Variants in NKAIN3 observed in about 807,000 individuals in gnomAD.
The protein encoded by NKAIN3 is sodium/potassium transporting ATPase interacting 3.
A neutral mutation model predicts 30.2 loss-of-function variants in NKAIN3; 25 were observed. The ratio of observed to expected loss-of-function variants is 0.83; its 90% CI spans 0.60 to 1.16. NKAIN3 has a LOEUF of 1.16. Among genes scored for constraint, NKAIN3 ranks in the 50% most tolerant of loss-of-function variants. The pLI, the probability that NKAIN3 is intolerant of heterozygous loss-of-function variation, is 0.00. For missense variants in NKAIN3, 225 were observed against 254.1 expected (o/e 0.89, Z 0.78); for synonymous variants, 91 against 89.6 (o/e 1.02, Z -0.09).
At chr8:62,258,133 A>G (rs887815225) in intron 1 of NKAIN3, among the ~76,000 whole-genome samples, 12 of 152,276 alleles carry the variant, frequency 7.9e-5, no homozygotes, top group Admixed American at 6.5e-4. Context: ...TCCAGATTAT[A>G]TAAGAAAGGA....
chr8:62,858,596 A>G (rs991344031), intron 4 of NKAIN3, among the ~76,000 whole-genome samples: 2 of 152,182 alleles, frequency 1.3e-5, no homozygotes, highest in Non-Finnish European at 2.9e-5. Context: ...ATGAGGGGGA[A>G]TGGTTTGAGG....
chr8:62,567,478 A>G (rs1056114041), intron 1 of NKAIN3, among the ~76,000 whole-genome samples: 2 of 152,188 alleles, frequency 1.3e-5, no homozygotes, highest in African/African-American at 4.8e-5. Context: ...AGGAGAATGC[A>G]TGTCACAGAT....
At chr8:62,587,088 G>A (rs1026399875) in intron 2 of NKAIN3, among the ~76,000 whole-genome samples, 2 of 151,914 alleles carry the variant, frequency 1.3e-5, no homozygotes, top group African/African-American at 4.8e-5. Flanking sequence ...GATAGGGAAG[G>A]TAGGCAGTCT....
chr8:62,720,023 C>T, intron 3 of NKAIN3, among the ~76,000 whole-genome samples: 1 of 152,010 alleles, frequency 6.6e-6, no homozygotes, highest in Non-Finnish European at 1.5e-5. Context: ...TGCCAAAGTG[C>T]TGGAATTACA....
intron 1 of NKAIN3, among the ~76,000 whole-genome samples, chr8:62,427,401 C>A (rs1391510501): frequency 6.6e-6 from 1 of 151,974 alleles, no homozygotes; most frequent in Non-Finnish European, 1.5e-5. Context: ...GGGTCCCCTA[C>A]TGTCTGACTG....
At chr8:62,526,620 T>G (rs934336234) in intron 1 of NKAIN3, among the ~76,000 whole-genome samples, 1 of 152,156 alleles carries the variant, frequency 6.6e-6, no homozygotes, top group Non-Finnish European at 1.5e-5. Context: ...AGAAGAAAGC[T>G]GAAAATCTTA....
intron 4 of NKAIN3, among the ~76,000 whole-genome samples, chr8:62,768,315 C>T (rs1816907629): frequency 6.6e-6 from 1 of 152,124 alleles, no homozygotes; most frequent in Non-Finnish European, 1.5e-5. Context: ...TCTTATGAAA[C>T]AGGACATCAC....
chr8:62,273,440 A>T (rs1812835570), intron 1 of NKAIN3, among the ~76,000 whole-genome samples: 1 of 152,220 alleles, frequency 6.6e-6, no homozygotes, highest in Non-Finnish European at 1.5e-5. Flanking sequence ...CCTATACCAT[A>T]TACTAGTTTT....
intron 3 of NKAIN3, among the ~76,000 whole-genome samples, chr8:62,646,083 T>C (rs948989468): frequency 3.3e-5 from 5 of 151,392 alleles, no homozygotes; most frequent in Non-Finnish European, 7.4e-5. Flanking sequence ...ATAATAACTA[T>C]TATATATCAT....
intron 1 of NKAIN3, among the ~76,000 whole-genome samples, chr8:62,277,590 A>G (rs1412232230): frequency 6.6e-6 from 1 of 152,138 alleles, no homozygotes; most frequent in Non-Finnish European, 1.5e-5. Flanking sequence ...ACTGTCTAAT[A>G]TGTAGTCACC....
At chr8:62,856,748 T>G in intron 4 of NKAIN3, 1 of 681,844 alleles carries the variant, frequency 1.5e-6, no homozygotes. Flanking sequence ...GCTCTAGAAT[T>G]TATTTTGCAC....
intron 4 of NKAIN3, among the ~76,000 whole-genome samples, chr8:62,770,342 T>C (rs1816973269): frequency 6.6e-6 from 1 of 152,206 alleles, no homozygotes; most frequent in South Asian, 2.1e-4. Context: ...GCTTTAGGTG[T>C]GTCTTAGTCA....
intron 1 of NKAIN3, among the ~76,000 whole-genome samples, chr8:62,363,100 G>C (rs1401161494): frequency 1.3e-5 from 2 of 152,176 alleles, no homozygotes; most frequent in Non-Finnish European, 1.5e-5. Context: ...TAAGTTTGCT[G>C]TAACAGTATG....
chr8:62,456,688 C>T (rs917648876), intron 1 of NKAIN3, among the ~76,000 whole-genome samples: 18 of 152,162 alleles, frequency 1.2e-4, no homozygotes, highest in Non-Finnish European at 2.1e-4. Context: ...AGATACAGGA[C>T]CCAGCTGTTG....
rs1254854484 is a variant in NKAIN3, at chr8:62,959,657, G to T, written c.603+5685G>T. 2.0e-5 allele frequency among the ~76,000 whole-genome samples: 3 copies of T among 152,166 alleles called. 1 individual carries two copies. Among genetic ancestry groups the T allele is most frequent in the Non-Finnish European group, 4.4e-5 (3 of 68,030 alleles). On this transcript the variant is annotated intron_variant, in intron 6 of 6. Transcript: ENST00000623646. ...TATTTATCCAGATAGAGCACGCACT[G>T]AGCTATGTCAAATTCTGCATGCTGT...
intron 6 of NKAIN3, among the ~76,000 whole-genome samples, chr8:62,958,633 C>G (rs1585622767): frequency 6.6e-6 from 1 of 152,166 alleles, no homozygotes; most frequent in East Asian, 1.9e-4. Flanking sequence ...GCAGATTTAC[C>G]CCTCAGGAAG....
In NKAIN3 at chr8:62,579,625, C is replaced by A. The variant is rs1810230370; in HGVS notation, c.141C>A (p.Val47=). ...GAAATTTTCTACACATAATAGTTGT[C>A]ATATTGGGTTTGTTTGGGACCATTC... is the stretch of plus-strand genomic sequence containing the variant. ...ILGNFLHIIV[V]ILGLFGTIQY... Residue 47 remains valine, a synonymous_variant, in exon 2 of 7, where the codon GTC becomes GTA. Coordinates refer to ENST00000623646, the MANE Select transcript of NKAIN3 (RefSeq NM_001304533.3). 6.2e-7 allele frequency: 1 copy of A among 1,608,596 alleles called. No homozygotes were observed. Among genetic ancestry groups the A allele is most frequent in the African/African-American group, 1.3e-5 (1 of 74,776 alleles).
chr8:62,594,082 A>T (rs1051081882), intron 3 of NKAIN3, among the ~76,000 whole-genome samples: 17 of 151,948 alleles, frequency 1.1e-4, no homozygotes, highest in African/African-American at 3.9e-4. Flanking sequence ...ATTTCTCTTT[A>T]AAAAAACTTT....
intron 1 of NKAIN3, among the ~76,000 whole-genome samples, chr8:62,458,377 G>A (rs1805886386): frequency 1.3e-5 from 2 of 152,202 alleles, no homozygotes; most frequent in Non-Finnish European, 2.9e-5. Flanking sequence ...GGCATTTTAA[G>A]AATAAAATCA....
Sources: gnomAD v4.1 joint callset for allele counts (sites outside exome capture counted in the v4.1 genomes callset) on GRCh38, gnomAD v4.1.1 for gene constraint, MANE v1.5 for transcripts, NCBI Gene and HGNC (gene_info 2026-07-23, HGNC 2026-07-21) for gene names.